The following ABHD12 variants were observed in gnomAD, a reference collection of about 807,000 sequenced individuals.
The protein encoded by ABHD12 is abhydrolase domain containing 12, lysophospholipase, also known as lysophosphatidylserine lipase ABHD12.
ABHD12 carries 43 observed loss-of-function variants against 58.3 expected under a neutral mutation model. The observed-to-expected ratio is 0.74, with a 90% CI of 0.58 to 0.95. The LOEUF (loss-of-function observed/expected upper bound fraction) is 0.95. Ranked by LOEUF, ABHD12 falls within the 40% of genes least tolerant of loss-of-function variation. ABHD12 has a pLI of 0.00. For synonymous variants in ABHD12, 219 were observed against 211.2 expected (o/e 1.04, Z -0.32); for missense variants, 539 against 537.2 (o/e 1.00, Z -0.03).
At chr20:25,335,140 G>A (rs547512863) in intron 2 of ABHD12, among the ~76,000 whole-genome samples, 1 of 152,136 alleles carries the variant, frequency 6.6e-6, no homozygotes, top group East Asian at 1.9e-4. Flanking sequence ...CAAAAAGTGG[G>A]CGAAGGACAT....
intron 1 of ABHD12, chr20:25,368,813 A>C (rs1352772982): frequency 1.6e-6 from 1 of 610,148 alleles, no homozygotes; most frequent in East Asian, 3.9e-5. Context: ...TGCAAAGCCT[A>C]CTTTCTTTTA....
intron 2 of ABHD12, among the ~76,000 whole-genome samples, chr20:25,333,254 C>CAGGAAGAA (rs1002033317): frequency 8.7e-6 from 1 of 115,048 alleles, no homozygotes; most frequent in African/African-American, 2.9e-5. Context: ...AAGACTAAAC[C>CAGGAAGAA]AGGAAGAAAT....
At chr20:25,344,793 T>C (rs966913138) in intron 1 of ABHD12, among the ~76,000 whole-genome samples, 9 of 152,196 alleles carry the variant, frequency 5.9e-5, no homozygotes, top group Non-Finnish European at 1.0e-4. Context: ...GACAGTGGTG[T>C]ACTGTCAAAA....
downstream of ABHD12, chr20:25,296,757 G>A (rs191766656): frequency 4.3e-5 from 24 of 560,452 alleles, no homozygotes; most frequent in African/African-American, 3.4e-4. Flanking sequence ...ACAAAGGGTC[G>A]TGGCCAGCCC....
chr20:25,350,084 T>C (rs1255821708), intron 1 of ABHD12, among the ~76,000 whole-genome samples: 1 of 152,150 alleles, frequency 6.6e-6, no homozygotes, highest in African/African-American at 2.4e-5. Flanking sequence ...ATAAAACCCC[T>C]AGTGAAATAG....
chr20:25,327,079 C>T lies in ABHD12; in HGVS notation c.317-3649G>A, dbSNP rs939711682. On this transcript the variant is annotated intron_variant, in intron 2 of 12. Coordinates refer to ENST00000339157, the MANE Select transcript of ABHD12 (RefSeq NM_001042472.3). ...CCTTTCACCTTGGGGTAAACACCTA[C>T]CCCCACTACACCCCTGGCCAGCAGG... 2.0e-5 allele frequency among the ~76,000 whole-genome samples: 3 copies of T among 152,214 alleles called. No individual in the cohort carries two copies. In the East Asian group the frequency reaches 5.8e-4, roughly 29 times the overall value.
intron 1 of ABHD12, among the ~76,000 whole-genome samples, chr20:25,364,489 A>T (rs995586394): frequency 2.0e-5 from 3 of 152,060 alleles, no homozygotes; most frequent in Non-Finnish European, 4.4e-5. Flanking sequence ...CTTTTACAGG[A>T]ACTCAGAGTC....
intron 11 of ABHD12, among the ~76,000 whole-genome samples, chr20:25,302,955 G>A (rs2088664824): frequency 6.6e-6 from 1 of 152,168 alleles, no homozygotes; most frequent in African/African-American, 2.4e-5. Flanking sequence ...CCAAGACCCA[G>A]GCTGCCTTCT....
intron 1 of ABHD12, among the ~76,000 whole-genome samples, chr20:25,378,815 C>T (rs1218203801): frequency 2.6e-5 from 4 of 151,814 alleles, no homozygotes; most frequent in East Asian, 3.9e-4. Context: ...GCCGTGTCCA[C>T]GTTCACCTTT....
chr20:25,311,298 G>A (rs1265487237), intron 6 of ABHD12, among the ~76,000 whole-genome samples: 1 of 152,190 alleles, frequency 6.6e-6, no homozygotes, highest in African/African-American at 2.4e-5. Context: ...AGAGAAAAAG[G>A]GAGAGGAGTC....
intron 2 of ABHD12, among the ~76,000 whole-genome samples, chr20:25,333,955 C>T (rs961139067): frequency 7.9e-5 from 12 of 152,068 alleles, no homozygotes; most frequent in African/African-American, 2.7e-4. Context: ...AAGTGCTGGC[C>T]GGGGCAATTA....
intron 1 of ABHD12, among the ~76,000 whole-genome samples, chr20:25,364,003 A>C (rs2089787217): frequency 6.6e-6 from 1 of 152,178 alleles, no homozygotes; most frequent in South Asian, 2.1e-4. Context: ...CCAGTTGAAA[A>C]TCTCTAAGCC....
chr20:25,333,902 C>G (rs2089319407), intron 2 of ABHD12, among the ~76,000 whole-genome samples: 1 of 152,142 alleles, frequency 6.6e-6, no homozygotes, highest in Admixed American at 6.5e-5. Context: ...TGGCAGAAGA[C>G]AGGGATGCCC....
chr20:25,377,190 A>C (rs1600875678), intron 1 of ABHD12, among the ~76,000 whole-genome samples: 1 of 152,336 alleles, frequency 6.6e-6, no homozygotes, highest in Admixed American at 6.5e-5. Context: ...CTAGAATGGC[A>C]GTCTTTTTTG....
At position 25,306,921 on chromosome 20, in the gene ABHD12, G is replaced by T; in HGVS notation, c.868-6C>A. 1 of 1,600,912 alleles carries T rather than the reference G, an allele frequency of 6.2e-7. No individual in the cohort carries two copies. The highest frequency in any genetic ancestry group is 1.1e-5 in the South Asian group (1 of 90,804). On this transcript the variant is annotated splice_region_variant and splice_polypyrimidine_tract_variant and intron_variant, in intron 9 of 12. Transcript: ENST00000339157. ...CCAGGGAAGTATCGATATATCTGGA[G>T]ACAAGATGGAAACCATTTTCAGAAG...
rs1600901011 is a variant in ABHD12, at chr20:25,390,779, A to G, written c.-76T>C. On this transcript the variant is annotated 5_prime_UTR_variant, in exon 1 of 13. Transcript: ENST00000339157. ...AGTGCCGCCGCTCACAGCCGCCGCC[A>G]CCCAGAGCCCGGAGCCCGGAACCCG... The G allele has an allele frequency of 1.9e-6, 2 of 1,033,964 alleles. No homozygotes were observed. The highest frequency in any genetic ancestry group is 4.7e-5 in the Admixed American group (1 of 21,424). The allele number at this position is 1,033,964 out of a possible 1,614,324, so 64.0% of individuals were successfully genotyped here. A position where few individuals can be genotyped will look rare whatever the true frequency, so the allele number is the denominator to read the frequency against.
chr20:25,351,499 T>C (rs75786989), intron 1 of ABHD12, among the ~76,000 whole-genome samples: 6,369 of 152,348 alleles, frequency 0.042, 212 homozygotes, highest in Non-Finnish European at 0.058. Context: ...CACTTGGCTG[T>C]GTACTGCAGC....
downstream of ABHD12, among the ~76,000 whole-genome samples, chr20:25,295,951 C>T (rs2088536160): frequency 6.6e-6 from 1 of 152,212 alleles, no homozygotes. Flanking sequence ...CTTCTCTTCC[C>T]TCAGTCAGGG....
intron 7 of ABHD12, 70 bp downstream of exon 7, chr20:25,309,376 A>G: frequency 6.2e-7 from 1 of 1,608,204 alleles, no homozygotes; most frequent in Non-Finnish European, 8.5e-7. Flanking sequence ...TGGACTCTCT[A>G]GATCCAGGCA....
Sources: gnomAD v4.1 joint callset for allele counts (sites outside exome capture counted in the v4.1 genomes callset) on GRCh38, gnomAD v4.1.1 for gene constraint, MANE v1.5 for transcripts, NCBI Gene and HGNC (gene_info 2026-07-23, HGNC 2026-07-21) for gene names.